The following FUT9 variants were observed in gnomAD, a reference collection of about 807,000 sequenced individuals.
The protein encoded by FUT9 is 4-galactosyl-N-acetylglucosaminide 3-alpha-L-fucosyltransferase 9.
In FUT9, 15 loss-of-function variants were observed where a neutral mutation model predicts 29.7. That is an observed-to-expected ratio of 0.51 (90% CI 0.34 to 0.78). The LOEUF is 0.78. FUT9 is among the 30% of genes least tolerant of loss of function. The probability of loss-of-function intolerance (pLI) is 0.01; values close to 1 mark genes in which losing one functional copy is unlikely to be tolerated. For missense variants in FUT9, 319 were observed against 425.4 expected (o/e 0.75, Z 2.20); for synonymous variants, 169 against 153.7 (o/e 1.10, Z -0.74).
chr6:96,171,836 G>A (rs1476778596), intron 2 of FUT9, among the ~76,000 whole-genome samples: 2 of 152,032 alleles, frequency 1.3e-5, no homozygotes, highest in Admixed American at 1.3e-4. Context: ...TTAGTCAAGT[G>A]TCCTGAAACA....
At chr6:96,067,889 C>T (rs118123985) in intron 1 of FUT9, among the ~76,000 whole-genome samples, 1 of 152,128 alleles carries the variant, frequency 6.6e-6, no homozygotes, top group Non-Finnish European at 1.5e-5. Flanking sequence ...ATGTTTACTT[C>T]ATAGGATTGT....
At chr6:96,039,561 C>T (rs760419613) in intron 1 of FUT9, among the ~76,000 whole-genome samples, 1 of 152,008 alleles carries the variant, frequency 6.6e-6, no homozygotes, top group Admixed American at 6.6e-5. Flanking sequence ...TTTTTTTGTG[C>T]CTGGATTGCT....
chr6:96,195,792 C>T (rs1773613889), intron 2 of FUT9, among the ~76,000 whole-genome samples: 1 of 152,036 alleles, frequency 6.6e-6, no homozygotes, highest in African/African-American at 2.4e-5. Flanking sequence ...ATAAGCCACC[C>T]AATTTAAATT....
intron 1 of FUT9, among the ~76,000 whole-genome samples, chr6:96,090,758 C>T (rs1378004964): frequency 6.6e-6 from 1 of 151,768 alleles, no homozygotes; most frequent in Non-Finnish European, 1.5e-5. Flanking sequence ...CAATAATAGT[C>T]ATACACACCC....
At chr6:96,090,047 A>G (rs1771384865) in intron 1 of FUT9, among the ~76,000 whole-genome samples, 1 of 152,274 alleles carries the variant, frequency 6.6e-6, no homozygotes, top group Admixed American at 6.5e-5. Flanking sequence ...CTTCTATAAA[A>G]TTATGAAAAA....
intron 1 of FUT9, among the ~76,000 whole-genome samples, chr6:96,067,170 G>A (rs1269411697): frequency 6.8e-6 from 1 of 146,432 alleles, no homozygotes; most frequent in African/African-American, 2.5e-5. Context: ...ATTAGGCTAT[G>A]GATACATAAA....
chr6:96,050,553 T>G (rs1412894103), intron 1 of FUT9, among the ~76,000 whole-genome samples: 5 of 152,238 alleles, frequency 3.3e-5, no homozygotes, highest in Non-Finnish European at 2.9e-5. Context: ...CACAGTTGGA[T>G]ATCTTGCTCT....
intron 2 of FUT9, among the ~76,000 whole-genome samples, chr6:96,152,259 TC>T (rs1433387283): frequency 6.6e-6 from 1 of 152,188 alleles, no homozygotes; most frequent in African/African-American, 2.4e-5. Context: ...AGTCTAAAAA[TC>T]CAGCCCAGAC....
At chr6:96,047,765 G>A (rs1351716786) in intron 1 of FUT9, among the ~76,000 whole-genome samples, 1 of 152,122 alleles carries the variant, frequency 6.6e-6, no homozygotes, top group Non-Finnish European at 1.5e-5. Flanking sequence ...GATGACTTAA[G>A]ACAGGCAACA....
At chr6:96,192,734 T>C (rs4840240) in intron 2 of FUT9, among the ~76,000 whole-genome samples, 138,554 of 151,824 alleles carry the variant, frequency 0.91, 64,571 homozygotes, top group Non-Finnish European at 1. Flanking sequence ...AAAAAGAGCC[T>C]GCATCACCAA....
At chr6:96,185,324 G>C (rs1773386782) in intron 2 of FUT9, among the ~76,000 whole-genome samples, 1 of 151,928 alleles carries the variant, frequency 6.6e-6, no homozygotes. Context: ...AGGAGAGAGG[G>C]AATGAGATTT....
At chr6:96,194,005 A>G (rs1008239883) in intron 2 of FUT9, among the ~76,000 whole-genome samples, 5 of 152,200 alleles carry the variant, frequency 3.3e-5, no homozygotes, top group African/African-American at 1.2e-4. Flanking sequence ...TTGAACAATG[A>G]GAACACTTGG....
intron 1 of FUT9, among the ~76,000 whole-genome samples, chr6:96,047,045 C>T (rs1012002789): frequency 4.6e-5 from 7 of 152,168 alleles, no homozygotes; most frequent in African/African-American, 1.7e-4. Flanking sequence ...AATCCAAGCT[C>T]TATTTGGTCT....
rs1354422974 is a variant in FUT9, at chr6:96,214,510, G to A, written c.*10275G>A. 6.0e-6 allele frequency: 1 copy of A among 166,850 alleles called. No homozygotes were observed. Among genetic ancestry groups the A allele is most frequent in the South Asian group, 2.1e-4 (1 of 4,818 alleles). The allele number at this position is 166,850 out of a possible 1,614,324, so 10.3% of individuals were successfully genotyped here. On this transcript the variant is annotated 3_prime_UTR_variant, in exon 3 of 3. Transcript: ENST00000302103. ...AAAAATATGAATGTTGGCTGCAGAG[G>A]AGCCTTTACATGCAGATAATTTGAA...
Position 96,036,388 on chromosome 6 carries a change from G to A in FUT9, c.-98+20176G>A, listed in dbSNP as rs905486180. Among the ~76,000 whole-genome samples the A allele has an allele frequency of 3.3e-5, 5 of 151,682 alleles. No individual in the cohort carries two copies. In the Admixed American group the frequency reaches 3.3e-4, roughly 10 times the overall value. Reference sequence around the variant, plus strand: ...ATAATTAAATAAAACCAAGAGCAATGTTAATCTGATACATTGAGTCTGTTC... The same window carrying A: ...ATAATTAAATAAAACCAAGAGCAATATTAATCTGATACATTGAGTCTGTTC... On this transcript the variant is annotated intron_variant, in intron 1 of 2. Coordinates refer to ENST00000302103, the MANE Select transcript of FUT9 (RefSeq NM_006581.4).
At chr6:96,063,152 A>G (rs1241126534) in intron 1 of FUT9, among the ~76,000 whole-genome samples, 1 of 152,188 alleles carries the variant, frequency 6.6e-6, no homozygotes, top group Admixed American at 6.5e-5. Context: ...TCAATCCAGA[A>G]TCTGTGGATT....
chr6:96,149,856 A>C (rs1269094310), intron 2 of FUT9, among the ~76,000 whole-genome samples: 1 of 152,108 alleles, frequency 6.6e-6, no homozygotes, highest in Non-Finnish European at 1.5e-5. Flanking sequence ...GGAACATTTC[A>C]ATTCCACTCT....
intron 2 of FUT9, among the ~76,000 whole-genome samples, chr6:96,129,863 T>A (rs960606313): frequency 6.6e-6 from 1 of 152,128 alleles, no homozygotes; most frequent in African/African-American, 2.4e-5. Flanking sequence ...CAGAAAAGAT[T>A]TGATGAATTA....
intron 1 of FUT9, among the ~76,000 whole-genome samples, chr6:96,075,623 G>C (rs1357713671): frequency 6.6e-6 from 1 of 151,984 alleles, no homozygotes; most frequent in African/African-American, 2.4e-5. Flanking sequence ...TACGGACTTG[G>C]ATCTTCTTAT....
Sources: allele counts gnomAD v4.1 joint callset (sites outside exome capture counted in the v4.1 genomes callset), GRCh38; gene constraint gnomAD v4.1.1; transcripts MANE v1.5; gene names NCBI Gene and HGNC (gene_info 2026-07-23, HGNC 2026-07-21).